MYO1E: variants seen among roughly 807,000 people sequenced by gnomAD.
MYO1E encodes unconventional myosin-Ie.
A neutral mutation model predicts 151.1 loss-of-function variants in MYO1E; 68 were observed. The ratio of observed to expected loss-of-function variants is 0.45; its 90% CI spans 0.37 to 0.55. The LOEUF (loss-of-function observed/expected upper bound fraction) is 0.55, where lower values mean the gene tolerates loss of function less well. Ranked by LOEUF, MYO1E falls within the 20% of genes least tolerant of loss-of-function variation. MYO1E has a pLI of 0.00. For synonymous variants in MYO1E, 601 were observed against 501.7 expected (o/e 1.20, Z -2.64); for missense variants, 1,363 against 1,389.3 (o/e 0.98, Z 0.30).
At position 59,134,897 on chromosome 15, in the gene MYO1E, T is replaced by C. The variant is rs1239744717; in HGVS notation, c.*2483A>G. 1 of 152,124 alleles carries C rather than the reference T, an allele frequency of 6.6e-6. No homozygotes were observed. The allele number at this position is 152,124 out of a possible 1,614,324, so 9.4% of individuals were successfully genotyped here. A position where few individuals can be genotyped will look rare whatever the true frequency, so the allele number is the denominator to read the frequency against. ...CTAGAGGAAACCCAGGTTAGTGTCT[T>C]AAAGGGAAAAAAGACATTTTTCTGA... On this transcript the variant is annotated 3_prime_UTR_variant, in exon 28 of 28. Coordinates refer to ENST00000288235, the MANE Select transcript of MYO1E (RefSeq NM_004998.4).
chr15:59,268,720 A>ATGTTTTTTTTTTTTTTTTTTTTTT (rs2080271280), intron 2 of MYO1E, among the ~76,000 whole-genome samples: 2 of 44,904 alleles, frequency 4.5e-5, no homozygotes, highest in Non-Finnish European at 9.8e-5. Context: ...TGACTTTGGT[A>ATGTTTTTTTTTTTTTTTTTTTTTT]TTTTTTTTTT....
At chr15:59,266,970 T>C (rs538129982) in intron 2 of MYO1E, 41 of 151,020 alleles carry the variant, frequency 2.7e-4, no homozygotes, top group African/African-American at 8.5e-4. Context: ...CTCAAATGTT[T>C]GTTTTTAATA....
intron 18 of MYO1E, among the ~76,000 whole-genome samples, chr15:59,187,908 A>G (rs2079708282): frequency 6.6e-6 from 1 of 152,232 alleles, no homozygotes; most frequent in South Asian, 2.1e-4. Context: ...CCCAGAGGCA[A>G]GGGGAGAATT....
chr15:59,236,061 T>C (rs2080060888), intron 5 of MYO1E, among the ~76,000 whole-genome samples: 1 of 152,090 alleles, frequency 6.6e-6, no homozygotes, highest in Non-Finnish European at 1.5e-5. Flanking sequence ...ATTAGGCACA[T>C]CTACCTTAAA....
intron 1 of MYO1E, among the ~76,000 whole-genome samples, chr15:59,276,728 C>G (rs917606522): frequency 6.6e-6 from 1 of 152,116 alleles, no homozygotes; most frequent in African/African-American, 2.4e-5. Flanking sequence ...AGAACTCGGC[C>G]TTGAGGCTGG....
intron 4 of MYO1E, among the ~76,000 whole-genome samples, chr15:59,244,089 A>C (rs1188142657): frequency 6.6e-6 from 1 of 152,266 alleles, no homozygotes; most frequent in Non-Finnish European, 1.5e-5. Flanking sequence ...ACCACTGGCT[A>C]AATAAGACAA....
chr15:59,231,898 GCCCCACA>G (rs1324440612), intron 5 of MYO1E, 107 bp from the exon 6 acceptor site: 6 of 1,130,626 alleles, frequency 5.3e-6, no homozygotes, highest in African/African-American at 4.6e-5. Flanking sequence ...AAGGTGAGGG[GCCCCACA>G]CCCGTGTGTC....
At chr15:59,315,702 G>T (rs34395963) in intron 1 of MYO1E, among the ~76,000 whole-genome samples, 20,700 of 152,138 alleles carry the variant, frequency 0.14, 2,152 homozygotes, top group East Asian at 0.49. Flanking sequence ...ATGAGCTCTT[G>T]TATGTGCAAT....
At chr15:59,138,427 G>T in intron 26 of MYO1E, 60 bp from the exon 27 acceptor site, 1 of 1,588,060 alleles carries the variant, frequency 6.3e-7, no homozygotes, top group Admixed American at 1.7e-5. Flanking sequence ...GCACCGAACG[G>T]TGGTTTGGAG....
intron 13 of MYO1E, among the ~76,000 whole-genome samples, chr15:59,209,815 C>CA (rs2079866778): frequency 6.0e-5 from 3 of 49,838 alleles, no homozygotes; most frequent in South Asian, 8.4e-4. Context: ...TTTGAATCAC[C>CA]TTTTTTTTTT....
chr15:59,181,906 T>C (rs2079663501), intron 18 of MYO1E, among the ~76,000 whole-genome samples: 1 of 152,238 alleles, frequency 6.6e-6, no homozygotes, highest in Admixed American at 6.5e-5. Flanking sequence ...AAGCCTTTCC[T>C]CTCACCTTTA....
intron 16 of MYO1E, among the ~76,000 whole-genome samples, chr15:59,197,079 GCC>G: frequency 8.1e-6 from 1 of 123,478 alleles, no homozygotes; most frequent in South Asian, 2.9e-4. Flanking sequence ...TGCAACCTCT[GCC>G]TCCCGAGTTC....
chr15:59,158,402 A>T, intron 24 of MYO1E, 23 bp from the exon 25 acceptor site: 1 of 1,531,378 alleles, frequency 6.5e-7, no homozygotes, highest in Non-Finnish European at 8.9e-7. Flanking sequence ...AGACAAAGTT[A>T]AAACCAGTGC....
intron 19 of MYO1E, among the ~76,000 whole-genome samples, chr15:59,177,737 A>G (rs1362971358): frequency 1.3e-5 from 2 of 152,234 alleles, no homozygotes; most frequent in African/African-American, 4.8e-5. Flanking sequence ...TCTCTAAATG[A>G]AGCTGTAGCA....
chr15:59,363,086 C>T (rs1277341953), intron 1 of MYO1E, among the ~76,000 whole-genome samples: 1 of 151,400 alleles, frequency 6.6e-6, no homozygotes, highest in African/African-American at 2.4e-5. Flanking sequence ...CGCCATTCTC[C>T]CACCTCAGCC....
intron 1 of MYO1E, among the ~76,000 whole-genome samples, chr15:59,366,871 TA>T (rs1452646113): frequency 6.6e-6 from 1 of 152,084 alleles, no homozygotes; most frequent in Non-Finnish European, 1.5e-5. Context: ...ATTTAACCTT[TA>T]ACCTCTTATT....
At chr15:59,185,788 A>G (rs1190211336) in intron 18 of MYO1E, among the ~76,000 whole-genome samples, 2 of 152,226 alleles carry the variant, frequency 1.3e-5, no homozygotes, top group Admixed American at 1.3e-4. Flanking sequence ...TGTAGGGGGA[A>G]CATTAGTCAA....
At chr15:59,288,660 A>C (rs1441989238) in intron 1 of MYO1E, among the ~76,000 whole-genome samples, 1 of 152,250 alleles carries the variant, frequency 6.6e-6, no homozygotes, top group East Asian at 1.9e-4. Flanking sequence ...GGGTACTGTC[A>C]TCTCATCTGG....
intron 1 of MYO1E, among the ~76,000 whole-genome samples, chr15:59,357,423 T>A: frequency 6.9e-6 from 1 of 144,300 alleles, no homozygotes. Context: ...AAGAAGGAGA[T>A]AACTTTTTTT....
Sources: allele counts gnomAD v4.1 joint callset (sites outside exome capture counted in the v4.1 genomes callset), GRCh38; gene constraint gnomAD v4.1.1; transcripts MANE v1.5; gene names NCBI Gene and HGNC (gene_info 2026-07-23, HGNC 2026-07-21).